HECW2: variants seen among roughly 807,000 people sequenced by gnomAD.
HECW2 encodes HECT, C2 and WW domain containing E3 ubiquitin protein ligase 2, also known as E3 ubiquitin-protein ligase HECW2.
In HECW2, 61 loss-of-function variants were observed where a neutral mutation model predicts 175.2. The ratio of observed to expected loss-of-function variants is 0.35; its 90% CI spans 0.28 to 0.43. HECW2 has a LOEUF of 0.43. Among genes scored for constraint, HECW2 ranks in the 20% least tolerant of loss-of-function variants. The probability of loss-of-function intolerance (pLI) is 1.00; values close to 1 mark genes in which losing one functional copy is unlikely to be tolerated. For synonymous variants in HECW2, 671 were observed against 731.0 expected (o/e 0.92, Z 1.32); for missense variants, 1,524 against 2,000.5 (o/e 0.76, Z 4.54).
intron 14 of HECW2, among the ~76,000 whole-genome samples, chr2:196,283,154 C>T (rs150085067): frequency 0.014 from 2,031 of 147,148 alleles, 43 homozygotes; most frequent in African/African-American, 0.048. Flanking sequence ...CCCAGCTACT[C>T]GGGAGGCTGA....
At chr2:196,328,337 C>A (rs1474682040) in intron 5 of HECW2, among the ~76,000 whole-genome samples, 1 of 152,286 alleles carries the variant, frequency 6.6e-6, no homozygotes, top group East Asian at 1.9e-4. Context: ...ATTTTTTAAA[C>A]CCTGATGGTT....
intron 2 of HECW2, among the ~76,000 whole-genome samples, chr2:196,404,530 C>T (rs1694907590): frequency 6.6e-6 from 1 of 152,164 alleles, no homozygotes; most frequent in Admixed American, 6.5e-5. Flanking sequence ...GTGGTGAAAG[C>T]CTCAAAATAC....
intron 5 of HECW2, 73 bp from the exon 6 acceptor site, chr2:196,325,222 G>A: frequency 8.7e-7 from 1 of 1,149,910 alleles, no homozygotes; most frequent in Non-Finnish European, 1.2e-6. Context: ...AAGGAGGAAG[G>A]GAGAGAACAA....
intron 2 of HECW2, among the ~76,000 whole-genome samples, chr2:196,389,425 T>C (rs1694442977): frequency 6.6e-6 from 1 of 152,186 alleles, no homozygotes; most frequent in African/African-American, 2.4e-5. Flanking sequence ...GTGGATACCA[T>C]ACTCCCCCTT....
intron 2 of HECW2, among the ~76,000 whole-genome samples, chr2:196,379,553 C>T (rs191257319): frequency 0.022 from 3,331 of 151,762 alleles, 111 homozygotes; most frequent in African/African-American, 0.077. Flanking sequence ...GGCGTGGTGG[C>T]GGGCGCCTGT....
chr2:196,271,375 C>T, intron 16 of HECW2, 86 bp from the exon 17 acceptor site: 2 of 944,236 alleles, frequency 2.1e-6, no homozygotes, highest in Middle Eastern at 3.2e-4. Flanking sequence ...GTGTGCCCCA[C>T]CGGGTTCAAG....
chr2:196,349,215 C>T (rs908172455), intron 2 of HECW2, among the ~76,000 whole-genome samples: 2 of 152,174 alleles, frequency 1.3e-5, no homozygotes, highest in Non-Finnish European at 2.9e-5. Context: ...TATTACCTTC[C>T]TTGCCTTCTT....
chr2:196,407,934 C>A, intron 2 of HECW2, among the ~76,000 whole-genome samples: 1 of 152,300 alleles, frequency 6.6e-6, no homozygotes, highest in East Asian at 1.9e-4. Context: ...CTTCTCCATG[C>A]AAAACAGATT....
intron 2 of HECW2, among the ~76,000 whole-genome samples, chr2:196,423,715 T>TGTGTGTGTG (rs1553516070): frequency 1.3e-5 from 2 of 151,482 alleles, no homozygotes; most frequent in African/African-American, 2.4e-5. Context: ...TGTGTGTGTG[T>TGTGTGTGTG]TTATCACATT....
At chr2:196,274,696 T>G (rs1246491279) in intron 15 of HECW2, among the ~76,000 whole-genome samples, 2 of 152,194 alleles carry the variant, frequency 1.3e-5, no homozygotes, top group African/African-American at 2.4e-5. Context: ...TCTTTCTGGT[T>G]TGAGCCTCCC....
chr2:196,394,519 T>A (rs7587067), intron 2 of HECW2, among the ~76,000 whole-genome samples: 18 of 151,710 alleles, frequency 1.2e-4, no homozygotes, highest in Non-Finnish European at 2.5e-4. Context: ...TCAATAAACA[T>A]CCCCCCTTTA....
chr2:196,480,457 G>T (rs1381021226), intron 1 of HECW2, among the ~76,000 whole-genome samples: 1 of 152,174 alleles, frequency 6.6e-6, no homozygotes, highest in African/African-American at 2.4e-5. Context: ...AAGGCCCCAA[G>T]GGTAGAGAAG....
rs535500115 is a variant in HECW2, at chr2:196,217,187, T to A, written c.4409-94A>T. 9 of 800,134 alleles carry A rather than the reference T, an allele frequency of 1.1e-5. No homozygotes were observed. In the African/African-American group the frequency reaches 1.3e-4, roughly 11 times the overall value. 49.6% of individuals were successfully genotyped at this position (800,134 alleles called of 1,614,324 possible). On this transcript the variant is annotated intron_variant, in intron 26 of 28. Transcript: ENST00000644978. The stretch of plus-strand genomic sequence containing the variant: ...ACGAAGAGTCCCCAGACATAAATCA[T>A]CCTCTTGAATTCTTTACAAGTTGTC...
intron 6 of HECW2, among the ~76,000 whole-genome samples, chr2:196,323,919 GTTTTT>G (rs1294087624): frequency 2.7e-5 from 1 of 37,664 alleles, no homozygotes; most frequent in African/African-American, 6.2e-5. Flanking sequence ...TTTTTTGTTT[GTTTTT>G]TTTTTTTTTT....
intron 9 of HECW2, 30 bp downstream of exon 9, chr2:196,318,522 C>G (rs766373648): frequency 6.9e-7 from 1 of 1,456,036 alleles, no homozygotes; most frequent in South Asian, 1.6e-5. Flanking sequence ...TACGCTCGAG[C>G]CAAGAGCCAC....
In HECW2 at chr2:196,536,679, C is replaced by G. The variant is rs111893554; in HGVS notation, c.-36+56829G>C. Among the ~76,000 whole-genome samples, 448 of 152,312 alleles carry G rather than the reference C, an allele frequency of 2.9e-3. 1 individual carries two copies. Among genetic ancestry groups the G allele is most frequent in the African/African-American group, 0.01 (423 of 41,564 alleles). Reference sequence around the variant, plus strand: ...AGATTATAGATCTCAAAAAGTCACACAGCAAATAATCTTCAGGAGCACATA... The same window carrying G: ...AGATTATAGATCTCAAAAAGTCACAGAGCAAATAATCTTCAGGAGCACATA... On this transcript the variant is annotated intron_variant, in intron 1 of 28. Coordinates refer to ENST00000644978, the MANE Select transcript of HECW2 (RefSeq NM_001348768.2).
chr2:196,304,255 T>C (rs1691178899), intron 13 of HECW2, among the ~76,000 whole-genome samples: 1 of 152,182 alleles, frequency 6.6e-6, no homozygotes, highest in Admixed American at 6.5e-5. Flanking sequence ...ACATTTACCT[T>C]ATCGGCTTCT....
In HECW2 at chr2:196,354,631, G is replaced by A. The variant is rs554680729; in HGVS notation, c.293-10867C>T. On this transcript the variant is annotated intron_variant, in intron 2 of 28. Coordinates refer to ENST00000644978, the MANE Select transcript of HECW2 (RefSeq NM_001348768.2). ...AAAAAGAAATAACATTTTCACCATG[G>A]AACACACAAAGCCTTTTTAAAGAGA... Among the ~76,000 whole-genome samples the A allele has an allele frequency of 9.9e-5, 15 of 152,220 alleles. No individual in the cohort carries two copies. In the South Asian group the frequency reaches 3.1e-3, roughly 32 times the overall value.
intron 1 of HECW2, among the ~76,000 whole-genome samples, chr2:196,528,859 T>G (rs1688753901): frequency 6.6e-6 from 1 of 152,234 alleles, no homozygotes; most frequent in African/African-American, 2.4e-5. Context: ...ATGAGAACAG[T>G]CAGGTACCTG....
Sources: gnomAD v4.1 joint callset for allele counts (sites outside exome capture counted in the v4.1 genomes callset) on GRCh38, gnomAD v4.1.1 for gene constraint, MANE v1.5 for transcripts, NCBI Gene and HGNC (gene_info 2026-07-23, HGNC 2026-07-21) for gene names.